XKR3: variants seen among roughly 807,000 people sequenced by gnomAD.
XKR3 encodes XK-related protein 3.
A neutral mutation model predicts 40.3 loss-of-function variants in XKR3; 27 were observed. That is an observed-to-expected ratio of 0.67 (90% CI 0.49 to 0.92). XKR3 has a LOEUF of 0.92. XKR3 is among the 40% of genes least tolerant of loss of function. XKR3 has a pLI of 0.00. For missense variants in XKR3, 472 were observed against 537.6 expected (o/e 0.88, Z 1.21); for synonymous variants, 193 against 195.4 (o/e 0.99, Z 0.10).
intron 2 of XKR3, among the ~76,000 whole-genome samples, chr22:16,801,806 T>TTA (rs1382280923): frequency 1.3e-5 from 2 of 151,970 alleles, no homozygotes; most frequent in Non-Finnish European, 2.9e-5. Context: ...CAGTGCAAAA[T>TTA]ATTATTTTGT....
In XKR3 at chr22:16,809,883, C is replaced by T. The variant is rs536589272; in HGVS notation, c.-10-1800G>A. 1.6e-4 allele frequency among the ~76,000 whole-genome samples: 24 copies of T among 152,198 alleles called. No individual in the cohort carries two copies. The East Asian group carries it at 3.3e-3, about 21-fold the overall frequency. On this transcript the variant is annotated intron_variant, in intron 1 of 3. Transcript: ENST00000684488. ...AAGCGATCTTTCCACTTCCACCTTC[C>T]GGGTGATTGTGACTGCAGGCCACCA...
intron 1 of XKR3, among the ~76,000 whole-genome samples, chr22:16,811,364 G>A (rs1160238541): frequency 6.6e-5 from 10 of 152,032 alleles, no homozygotes; most frequent in Non-Finnish European, 1.5e-4. Flanking sequence ...GAGCTCAGGT[G>A]GTCCACCCAC....
chr22:16,802,491 C>CTT (rs140360597), intron 2 of XKR3, among the ~76,000 whole-genome samples: 2 of 149,558 alleles, frequency 1.3e-5, no homozygotes, highest in African/African-American at 2.5e-5. Flanking sequence ...CCCAGTCTTT[C>CTT]TTTTTTTTTT....
chr22:16,822,495 T>G (rs1413257530), intron 1 of XKR3, among the ~76,000 whole-genome samples: 1 of 152,184 alleles, frequency 6.6e-6, no homozygotes, highest in Non-Finnish European at 1.5e-5. Flanking sequence ...GTAAATGGCT[T>G]ATATACCACA....
chr22:16,799,126 C>T (rs908546313), intron 3 of XKR3, among the ~76,000 whole-genome samples: 13 of 152,036 alleles, frequency 8.6e-5, no homozygotes, highest in African/African-American at 3.1e-4. Flanking sequence ...AAAAGCAATG[C>T]TGTTTGGCTG....
chr22:16,784,849 G>A (rs1217371481), intron 3 of XKR3, among the ~76,000 whole-genome samples: 3 of 152,218 alleles, frequency 2.0e-5, no homozygotes, highest in Admixed American at 1.3e-4. Flanking sequence ...AAGTTAGCAT[G>A]TGAAATAGGA....
chr22:16,816,258 T>C (rs1340708887), intron 1 of XKR3, among the ~76,000 whole-genome samples: 2 of 151,934 alleles, frequency 1.3e-5, no homozygotes, highest in Non-Finnish European at 2.9e-5. Context: ...AGCCTGTTGT[T>C]CAATCCCTCT....
chr22:16,794,569 C>A (rs1160053533), intron 3 of XKR3, among the ~76,000 whole-genome samples: 3 of 152,314 alleles, frequency 2.0e-5, no homozygotes, highest in Non-Finnish European at 2.9e-5. Context: ...CAAGGGAATG[C>A]CAAACGTGCA....
chr22:16,797,765 C>A (rs1410759704), intron 3 of XKR3, among the ~76,000 whole-genome samples: 2 of 149,196 alleles, frequency 1.3e-5, no homozygotes, highest in Non-Finnish European at 3.0e-5. Context: ...TGCACTCCAG[C>A]CTGGGCGACA....
chr22:16,815,419 A>G (rs1414917689), intron 1 of XKR3, among the ~76,000 whole-genome samples: 1 of 152,030 alleles, frequency 6.6e-6, no homozygotes, highest in Middle Eastern at 3.2e-3. Context: ...TTTCTTCTAC[A>G]ATCTTTCTCT....
chr22:16,821,770 T>C (rs887449257), intron 1 of XKR3: 4 of 152,132 alleles, frequency 2.6e-5, no homozygotes, highest in Admixed American at 6.6e-5. Flanking sequence ...GGAAACCTCG[T>C]GCTTCAATTT....
intron 3 of XKR3, among the ~76,000 whole-genome samples, chr22:16,787,536 G>A (rs1439108453): frequency 6.7e-6 from 1 of 148,542 alleles, no homozygotes; most frequent in Non-Finnish European, 1.5e-5. Context: ...TCCAGCCTAG[G>A]CAACAAGAGC....
In XKR3 at chr22:16,784,102, A is replaced by G. The variant is rs2060078719; in HGVS notation, c.897T>C (p.Asn299=). The change falls in exon 4 of 4, where the codon AAT becomes AAC. Residue 299 remains asparagine, a synonymous_variant. Transcript: ENST00000684488. Reference sequence around the variant, plus strand: ...AAAGCATCAGTACTGTACCCACCATATTGGAATTATTTTCTTTGTTGCCAG... The same window carrying G: ...AAAGCATCAGTACTGTACCCACCATGTTGGAATTATTTTCTTTGTTGCCAG... ...HLPGNKENNS[N]MVGTVLMLFL... 1.9e-6 allele frequency: 3 copies of G among 1,614,176 alleles called. No homozygotes were observed. The highest frequency in any genetic ancestry group is 2.5e-6 in the Non-Finnish European group (3 of 1,180,036).
intron 2 of XKR3, among the ~76,000 whole-genome samples, chr22:16,801,785 A>G (rs1296030126): frequency 1.3e-5 from 2 of 152,154 alleles, no homozygotes; most frequent in Non-Finnish European, 2.9e-5. Flanking sequence ...TGTCATCAGC[A>G]TAATAAAGGT....
At chr22:16,815,635 T>C (rs1245608014) in intron 1 of XKR3, among the ~76,000 whole-genome samples, 1 of 151,996 alleles carries the variant, frequency 6.6e-6, no homozygotes, top group East Asian at 1.9e-4. Context: ...TTAAGACACA[T>C]ATTTACTTTT....
In XKR3 at chr22:16,799,955, T is replaced by G. The variant is rs1284924381; in HGVS notation, c.405A>C (p.Gln135His). ...KNLKQEKEET[Q>H]VSITKRNTML... ...TCGTGTTTCTCTTTGTGATGCTAAC[T>G]TGAGTCTCTTCCTTCTCCTGTTTAA... is the stretch of plus-strand genomic sequence containing the variant. The change falls in exon 3 of 4, where the codon CAA (glutamine) becomes CAC (histidine). Residue 135 changes from glutamine (Q) to histidine (H), a missense_variant. By Grantham distance (24) the Gln-to-His change is conservative. Coordinates refer to ENST00000684488, the MANE Select transcript of XKR3 (RefSeq NM_001386955.1). The G allele has an allele frequency of 6.2e-7, 1 of 1,614,046 alleles. No homozygotes were observed. Among genetic ancestry groups the G allele is most frequent in the African/African-American group, 1.3e-5 (1 of 74,936 alleles).
rs117758617 is a variant in XKR3, at chr22:16,823,915, G to C, written c.-11+1376C>G. On this transcript the variant is annotated intron_variant, in intron 1 of 3. Transcript: ENST00000684488. ...CAGGTCCAGGTGATGATAATTCAAG[G>C]CTGCTGAAACAAGTGAATGAAATCT... Among the ~76,000 whole-genome samples the C allele has an allele frequency of 4.3e-3, 650 of 152,096 alleles. 2 individuals are homozygous for C. Among genetic ancestry groups the C allele is most frequent in the Non-Finnish European group, 6.8e-3 (461 of 67,996 alleles).
rs2060104784 is a variant in XKR3 at position 16,789,500 on chromosome 22, T to A, written c.590-5091A>T. On this transcript the variant is annotated intron_variant, in intron 3 of 3. Transcript: ENST00000684488. Reference sequence around the variant, plus strand: ...AAAATAATCTGCATTCTGAAAATTATGAAGTATTAATAAAAAATTAAAATA... The same window carrying A: ...AAAATAATCTGCATTCTGAAAATTAAGAAGTATTAATAAAAAATTAAAATA... 2.0e-5 allele frequency among the ~76,000 whole-genome samples: 3 copies of A among 152,268 alleles called. No individual in the cohort carries two copies. The South Asian group carries it at 6.2e-4, about 32-fold the overall frequency.
intron 3 of XKR3, among the ~76,000 whole-genome samples, chr22:16,787,900 T>C (rs2146140631): frequency 6.6e-6 from 1 of 152,178 alleles, no homozygotes; most frequent in Admixed American, 6.5e-5. Context: ...ATAGAAAACT[T>C]CAGCACCTTA....
Sources: gnomAD v4.1 joint callset for allele counts (sites outside exome capture counted in the v4.1 genomes callset) on GRCh38, gnomAD v4.1.1 for gene constraint, MANE v1.5 for transcripts, NCBI Gene and HGNC (gene_info 2026-07-23, HGNC 2026-07-21) for gene names.